The following NEDD4L variants were observed in gnomAD, a reference collection of about 807,000 sequenced individuals.
NEDD4L encodes E3 ubiquitin-protein ligase NEDD4-like.
Under a neutral mutation model 148.9 loss-of-function variants are expected in NEDD4L, and 54 were observed. The ratio of observed to expected loss-of-function variants is 0.36; its 90% CI spans 0.29 to 0.45. The LOEUF is 0.45. Among genes scored for constraint, NEDD4L ranks in the 20% least tolerant of loss-of-function variants. NEDD4L has a pLI of 1.00. For missense variants in NEDD4L, 856 were observed against 1,233.8 expected, an observed-to-expected ratio of 0.69 and a Z score of 4.59; for synonymous variants, 433 against 440.7, an observed-to-expected ratio of 0.98 and a Z score of 0.22.
Position 58,047,443 on chromosome 18 carries a change from A to G in NEDD4L, c.48+2735A>G, listed in dbSNP as rs548087129. The G allele has an allele frequency of 3.0e-3, 2,927 of 985,448 alleles. 5 individuals are homozygous for G. Among genetic ancestry groups the G allele is most frequent in the Non-Finnish European group, 3.2e-3 (2,664 of 829,924 alleles). 61.0% of individuals were successfully genotyped at this position (985,448 alleles called of 1,614,324 possible). A position where few individuals can be genotyped will look rare whatever the true frequency, so the allele number is the denominator to read the frequency against. On this transcript the variant is annotated intron_variant, in intron 1 of 30. Coordinates refer to ENST00000400345, the MANE Select transcript of NEDD4L (RefSeq NM_001144967.3). ...CATTGCATGAACCCAGAAAACGGGG[A>G]TGCCAAAGCACAGGGCTTAGGTGCT...
intron 5 of NEDD4L, among the ~76,000 whole-genome samples, chr18:58,315,087 T>G (rs529360994): frequency 2.0e-5 from 3 of 152,340 alleles, no homozygotes; most frequent in Middle Eastern, 6.8e-3. Context: ...TCTAAAGAAC[T>G]GCCCAGCTTT....
intron 2 of NEDD4L, among the ~76,000 whole-genome samples, chr18:58,167,496 G>A (rs181725378): frequency 7.9e-5 from 12 of 152,248 alleles, no homozygotes; most frequent in African/African-American, 2.6e-4. Flanking sequence ...TTCCAAGAAA[G>A]AAAATTTGAT....
chr18:58,050,209 G>A (rs1192809194), intron 1 of NEDD4L, among the ~76,000 whole-genome samples: 1 of 151,728 alleles, frequency 6.6e-6, no homozygotes, highest in African/African-American at 2.4e-5. Flanking sequence ...ATCCCAGCAC[G>A]TTGGAGGCCA....
intron 5 of NEDD4L, among the ~76,000 whole-genome samples, chr18:58,301,485 G>A (rs2056453687): frequency 6.6e-6 from 1 of 152,210 alleles, no homozygotes; most frequent in Admixed American, 6.5e-5. Context: ...TAGAATAACA[G>A]TCTAATTTAC....
At chr18:58,332,211 G>C (rs2041079445) in intron 11 of NEDD4L, among the ~76,000 whole-genome samples, 1 of 152,066 alleles carries the variant, frequency 6.6e-6, no homozygotes, top group South Asian at 2.1e-4. Context: ...TAAATGAGGA[G>C]CTCCTGAATT....
intron 1 of NEDD4L, chr18:58,047,269 C>T (rs1253772069): frequency 1.0e-6 from 1 of 984,254 alleles, no homozygotes; most frequent in Non-Finnish European, 1.2e-6. Context: ...AATCTTTTAG[C>T]AAAGTAGACA....
intron 5 of NEDD4L, among the ~76,000 whole-genome samples, chr18:58,297,288 G>A (rs1394549403): frequency 1.3e-5 from 2 of 152,126 alleles, no homozygotes. Context: ...GTTACAACAA[G>A]GATGGGGCAG....
At position 58,165,777 on chromosome 18, in the gene NEDD4L, C is replaced by T. The variant is rs199921263; in HGVS notation, c.49-11C>T. ...GGTTTTTAACCTCTTTTTTTGTTCT[C>T]CTTCTCACAGGGAGAGTCCCGTATT... On this transcript the variant is annotated splice_polypyrimidine_tract_variant and intron_variant, in intron 1 of 30. Coordinates refer to ENST00000400345, the MANE Select transcript of NEDD4L (RefSeq NM_001144967.3). The T allele has an allele frequency of 1.2e-4, 185 of 1,606,556 alleles. No individual in the cohort carries two copies. The highest frequency in any genetic ancestry group is 1.5e-4 in the Non-Finnish European group (171 of 1,175,542).
At chr18:58,225,268 T>C (rs2044227937) in intron 2 of NEDD4L, among the ~76,000 whole-genome samples, 1 of 152,148 alleles carries the variant, frequency 6.6e-6, no homozygotes, top group Non-Finnish European at 1.5e-5. Context: ...ATCTTGAGCA[T>C]GACACAGAAC....
chr18:58,387,364 A>G, intron 26 of NEDD4L, 75 bp from the exon 27 acceptor site: 1 of 1,451,300 alleles, frequency 6.9e-7, no homozygotes, highest in East Asian at 2.5e-5. Context: ...CTAACCAGAA[A>G]AGTTTGTTTT....
At chr18:58,097,320 G>A (rs1456686864) in intron 1 of NEDD4L, among the ~76,000 whole-genome samples, 1 of 152,180 alleles carries the variant, frequency 6.6e-6, no homozygotes, top group Non-Finnish European at 1.5e-5. Flanking sequence ...GCCATAGTTC[G>A]CAGTTGGCCG....
At chr18:58,311,796 G>A (rs1019000618) in intron 5 of NEDD4L, among the ~76,000 whole-genome samples, 15 of 152,172 alleles carry the variant, frequency 9.9e-5, no homozygotes, top group African/African-American at 3.1e-4. Context: ...TAAGCCTGGC[G>A]TCCACGTCAG....
At chr18:58,226,408 TC>T (rs1402935298) in intron 2 of NEDD4L, among the ~76,000 whole-genome samples, 2 of 152,120 alleles carry the variant, frequency 1.3e-5, no homozygotes, top group Non-Finnish European at 2.9e-5. Flanking sequence ...CTATGTTTTC[TC>T]CCCTGACCCC....
intron 9 of NEDD4L, 104 bp from the exon 10 acceptor site, chr18:58,328,891 G>A (rs995521636): frequency 7.7e-7 from 1 of 1,300,314 alleles, no homozygotes; most frequent in Non-Finnish European, 1.1e-6. Flanking sequence ...GTTTGACGCT[G>A]ACACTTTAGT....
chr18:58,339,082 C>T (rs2042120932), intron 13 of NEDD4L, among the ~76,000 whole-genome samples: 1 of 150,662 alleles, frequency 6.6e-6, no homozygotes, highest in Non-Finnish European at 1.5e-5. Flanking sequence ...GTTTCCAGAG[C>T]TAAGGTTTCC....
intron 1 of NEDD4L, chr18:58,047,525 T>A: frequency 2.0e-6 from 2 of 985,260 alleles, no homozygotes; most frequent in Non-Finnish European, 2.4e-6. Flanking sequence ...GGGGTTGAGA[T>A]GTGGGCTTTG....
At chr18:58,214,629 G>GTC (rs2042948367) in intron 2 of NEDD4L, among the ~76,000 whole-genome samples, 1 of 150,720 alleles carries the variant, frequency 6.6e-6, no homozygotes, top group Non-Finnish European at 1.5e-5. Flanking sequence ...GTGTGTGTGT[G>GTC]TGTGTGTGTG....
chr18:58,180,920 G>C (rs569023231), intron 2 of NEDD4L, among the ~76,000 whole-genome samples: 1 of 152,178 alleles, frequency 6.6e-6, no homozygotes, highest in Non-Finnish European at 1.5e-5. Context: ...GAGGTGTATT[G>C]GGGGGGTTAC....
At chr18:58,300,140 C>T (rs145901894) in intron 5 of NEDD4L, among the ~76,000 whole-genome samples, 2 of 152,186 alleles carry the variant, frequency 1.3e-5, no homozygotes, top group Non-Finnish European at 2.9e-5. Context: ...CTGTGTTTTA[C>T]TATGCTCTTT....
Sources: gnomAD v4.1 joint callset for allele counts (sites outside exome capture counted in the v4.1 genomes callset) on GRCh38, gnomAD v4.1.1 for gene constraint, MANE v1.5 for transcripts, NCBI Gene and HGNC (gene_info 2026-07-23, HGNC 2026-07-21) for gene names.